ADGRL4: variants seen among roughly 807,000 people sequenced by gnomAD.
The protein encoded by ADGRL4 is adhesion G protein-coupled receptor L4.
A neutral mutation model predicts 74.8 loss-of-function variants in ADGRL4; 90 were observed. The ratio of observed to expected loss-of-function variants is 1.20; its 90% CI spans 1.02 to 1.43. The LOEUF is 1.43. ADGRL4 is among the 40% of genes most tolerant of loss of function. ADGRL4 has a pLI of 0.00. For synonymous variants in ADGRL4, 311 were observed against 279.2 expected (o/e 1.11, Z -1.14); for missense variants, 881 against 814.3 (o/e 1.08, Z -1.00).
intron 2 of ADGRL4, among the ~76,000 whole-genome samples, chr1:78,985,486 G>A (rs1043957834): frequency 6.6e-6 from 1 of 151,844 alleles, no homozygotes; most frequent in African/African-American, 2.4e-5. Context: ...ATCAATTTAA[G>A]AATAGTATGT....
intron 2 of ADGRL4, among the ~76,000 whole-genome samples, chr1:79,002,678 T>C (rs913837102): frequency 2.0e-5 from 3 of 152,070 alleles, no homozygotes; most frequent in Admixed American, 6.5e-5. Flanking sequence ...TCCAAGTCGG[T>C]TTGATTCCAC....
At chr1:78,982,024 T>C (rs148442359) in intron 2 of ADGRL4, among the ~76,000 whole-genome samples, 9 of 151,996 alleles carry the variant, frequency 5.9e-5, no homozygotes, top group Non-Finnish European at 7.4e-5. Flanking sequence ...CTAAAATACA[T>C]GTTGGTAGTT....
chr1:78,973,637 T>A (rs1001255914), intron 2 of ADGRL4, among the ~76,000 whole-genome samples: 1 of 148,652 alleles, frequency 6.7e-6, no homozygotes, highest in South Asian at 2.1e-4. Flanking sequence ...CTATACATAT[T>A]ATCTTAAATA....
chr1:78,920,149 T>C (rs749466667), intron 10 of ADGRL4, 34 bp downstream of exon 10: 2 of 1,522,098 alleles, frequency 1.3e-6, no homozygotes, highest in Non-Finnish European at 1.8e-6. Context: ...ACACATATCA[T>C]AGGACAAAAA....
chr1:78,895,934 A>G (rs1214464314), intron 12 of ADGRL4, among the ~76,000 whole-genome samples: 1 of 152,120 alleles, frequency 6.6e-6, no homozygotes, highest in East Asian at 1.9e-4. Flanking sequence ...GTAGTTGTTT[A>G]CATAGTTTCA....
At chr1:78,915,427 G>T (rs1031907426) in intron 12 of ADGRL4, among the ~76,000 whole-genome samples, 1 of 151,902 alleles carries the variant, frequency 6.6e-6, no homozygotes, top group South Asian at 2.1e-4. Context: ...TTACTATTTT[G>T]ATTCCATGCT....
chr1:78,899,604 C>T (rs137930353), intron 12 of ADGRL4, among the ~76,000 whole-genome samples: 8 of 152,290 alleles, frequency 5.3e-5, no homozygotes, highest in Middle Eastern at 6.8e-3. Context: ...ATCTGTCCAC[C>T]TAGGTCTCCC....
chr1:78,903,934 A>AAAAT (rs141234701), intron 12 of ADGRL4, among the ~76,000 whole-genome samples: 25 of 141,594 alleles, frequency 1.8e-4, no homozygotes, highest in African/African-American at 6.2e-4. Context: ...GACTCCATAT[A>AAAAT]AAATAAATAA....
At chr1:78,941,282 G>A (rs1649474306) in intron 3 of ADGRL4, among the ~76,000 whole-genome samples, 2 of 152,192 alleles carry the variant, frequency 1.3e-5, no homozygotes, top group Admixed American at 6.5e-5. Flanking sequence ...GTTATCACTT[G>A]TCATGAAATC....
chr1:78,971,431 T>A (rs1650163796), intron 2 of ADGRL4, among the ~76,000 whole-genome samples: 1 of 152,110 alleles, frequency 6.6e-6, no homozygotes, highest in Non-Finnish European at 1.5e-5. Flanking sequence ...ACCTGCACAC[T>A]AGGGTGGAGC....
intron 2 of ADGRL4, among the ~76,000 whole-genome samples, chr1:78,955,672 G>C (rs557727245): frequency 6.6e-6 from 1 of 151,556 alleles, no homozygotes; most frequent in Non-Finnish European, 1.5e-5. Context: ...TTATTTTTGC[G>C]TAATCATTCA....
At chr1:78,902,714 C>T (rs946887770) in intron 12 of ADGRL4, among the ~76,000 whole-genome samples, 5 of 152,128 alleles carry the variant, frequency 3.3e-5, no homozygotes, top group African/African-American at 7.2e-5. Context: ...AGAAGAACAA[C>T]ATATTAATAA....
At chr1:78,895,085 A>G (rs1355891206) in intron 12 of ADGRL4, among the ~76,000 whole-genome samples, 3 of 151,974 alleles carry the variant, frequency 2.0e-5, no homozygotes, top group Non-Finnish European at 4.4e-5. Flanking sequence ...ACATACTTAT[A>G]AAACCCAGGT....
intron 1 of ADGRL4, 27 bp downstream of exon 1, chr1:79,006,606 C>G: frequency 6.5e-7 from 1 of 1,534,858 alleles, no homozygotes; most frequent in Non-Finnish European, 8.8e-7. Flanking sequence ...CCGACGACCT[C>G]GGCGACCAGG....
At chr1:78,897,574 C>T (rs1255593089) in intron 12 of ADGRL4, among the ~76,000 whole-genome samples, 1 of 152,126 alleles carries the variant, frequency 6.6e-6, no homozygotes, top group African/African-American at 2.4e-5. Flanking sequence ...GTTTTGACAC[C>T]TATCACAGTA....
rs201074858 is a variant in ADGRL4, at chr1:78,891,508, A to G, written c.2010+16T>C. ...CATGAATATACTAGGAACCACCAAA[A>G]TAAGAAATTGTTTACCTTTCTAGAT... On this transcript the variant is annotated intron_variant, in intron 14 of 14. Transcript: ENST00000370742. 4.4e-5 allele frequency: 70 copies of G among 1,607,524 alleles called. No homozygotes were observed. In the Admixed American group the frequency reaches 1.2e-3, roughly 27 times the overall value.
chr1:78,958,087 A>C (rs1489316223), intron 2 of ADGRL4, among the ~76,000 whole-genome samples: 1 of 152,172 alleles, frequency 6.6e-6, no homozygotes, highest in Non-Finnish European at 1.5e-5. Flanking sequence ...CCCATTGTTA[A>C]AAAAATAAAA....
At chr1:78,921,458 CAGAA>C (rs1648997433) in intron 9 of ADGRL4, among the ~76,000 whole-genome samples, 151 bp downstream of exon 9, 1 of 147,302 alleles carries the variant, frequency 6.8e-6, no homozygotes, top group Non-Finnish European at 1.5e-5. Flanking sequence ...GGAAAACAGA[CAGAA>C]AGAAAGATCC....
intron 1 of ADGRL4, among the ~76,000 whole-genome samples, chr1:79,005,873 T>C (rs1305899678): frequency 6.6e-6 from 1 of 151,978 alleles, no homozygotes; most frequent in African/African-American, 2.4e-5. Flanking sequence ...AAAAAGAAAC[T>C]CAAGATTATA....
Sources: allele counts gnomAD v4.1 joint callset (sites outside exome capture counted in the v4.1 genomes callset), GRCh38; gene constraint gnomAD v4.1.1; transcripts MANE v1.5; gene names NCBI Gene and HGNC (gene_info 2026-07-23, HGNC 2026-07-21).